ZNF729: variants seen among roughly 807,000 people sequenced by gnomAD.
The protein encoded by ZNF729 is zinc finger protein 729.
Under a neutral mutation model 12.2 loss-of-function variants are expected in ZNF729, and 15 were observed. The ratio of observed to expected loss-of-function variants is 1.23; its 90% CI spans 0.82 to 1.89. ZNF729 has a LOEUF of 1.89. ZNF729 is among the 40% of genes most tolerant of loss of function. The pLI is 0.00. For synonymous variants in ZNF729, 492 were observed against 476.3 expected (o/e 1.03, Z -0.43); for missense variants, 1,540 against 1,456.7 (o/e 1.06, Z -0.93).
Position 22,303,853 on chromosome 19 carries a change from G to A in ZNF729, c.126G>A (p.Met42Ile), listed in dbSNP as rs1264617369. The change falls in exon 2 of 4, where the codon ATG (methionine) becomes ATA (isoleucine). Residue 42 changes from methionine to isoleucine, a missense_variant. Transcript: ENST00000601693. ...TVQQNLYRDV[M>I]LENYRNLVFL... The stretch of plus-strand genomic sequence containing the variant: ...AGCAGAATTTATATAGGGATGTGAT[G>A]TTAGAGAACTACAGAAACCTGGTCT... 2 of 1,572,850 alleles carry A rather than the reference G, an allele frequency of 1.3e-6. No individual in the cohort carries two copies. The highest frequency in any genetic ancestry group is 1.7e-5 in the Admixed American group (1 of 58,450).
At chr19:22,303,035 A>AC (rs1443501518) in intron 1 of ZNF729, among the ~76,000 whole-genome samples, 2 of 152,194 alleles carry the variant, frequency 1.3e-5, no homozygotes, top group Non-Finnish European at 2.9e-5. Context: ...TCAGCCTCCC[A>AC]AAGTGCTGGG....
chr19:22,313,196 C>A (rs867124411), intron 3 of ZNF729, among the ~76,000 whole-genome samples: 1 of 152,068 alleles, frequency 6.6e-6, no homozygotes, highest in African/African-American at 2.4e-5. Flanking sequence ...GGACTACAGA[C>A]GTGTGCCACC....
chr19:22,314,987 G>C lies in ZNF729; in HGVS notation c.1570G>C (p.Ala524Pro), dbSNP rs770510992. 7 of 1,611,978 alleles carry C rather than the reference G, an allele frequency of 4.3e-6. No homozygotes were observed. The highest frequency in any genetic ancestry group is 2.2e-5 in the East Asian group (1 of 44,822). The change falls in exon 4 of 4, where the codon GCT (alanine) becomes CCT (proline). Residue 524 changes from alanine (A) to proline (P), a missense_variant. Physicochemically the swap from Ala to Pro is conservative, Grantham distance 27. Coordinates refer to ENST00000601693, the MANE Select transcript of ZNF729 (RefSeq NM_001242680.2). ...KPYKCEECGKAFSQSSTLRNH... is the reference protein window; with the variant it reads ...KPYKCEECGKPFSQSSTLRNH... ...CTACAAATGTGAAGAATGTGGGAAA[G>C]CTTTTAGCCAGTCCTCAACCCTTAG...
intron 1 of ZNF729, among the ~76,000 whole-genome samples, chr19:22,287,220 C>T (rs1599749975): frequency 6.7e-6 from 1 of 150,258 alleles, no homozygotes; most frequent in African/African-American, 2.4e-5. Flanking sequence ...AGTTTTGTTT[C>T]CCCCAATGTA....
In ZNF729 at chr19:22,305,512, C is replaced by T. The variant is rs1040319412; in HGVS notation, c.253+729C>T. 2.0e-5 allele frequency among the ~76,000 whole-genome samples: 3 copies of T among 151,832 alleles called. 1 individual carries two copies. Among genetic ancestry groups the T allele is most frequent in the South Asian group, 4.1e-4 (2 of 4,820 alleles). The stretch of plus-strand genomic sequence containing the variant: ...TGTATTTTGGAGCCCTGTTGTTATA[C>T]CTACCTGTACATATAAATATAATAA... On this transcript the variant is annotated intron_variant, in intron 3 of 3. Coordinates refer to ENST00000601693, the MANE Select transcript of ZNF729 (RefSeq NM_001242680.2).
intron 3 of ZNF729, among the ~76,000 whole-genome samples, chr19:22,312,868 C>CA (rs1488692477): frequency 6.6e-6 from 1 of 152,090 alleles, no homozygotes; most frequent in Non-Finnish European, 1.5e-5. Context: ...CGTGTGCCAC[C>CA]ACGCCCAGCT....
At chr19:22,298,788 A>G (rs1968265780) in intron 1 of ZNF729, among the ~76,000 whole-genome samples, 1 of 152,210 alleles carries the variant, frequency 6.6e-6, no homozygotes, top group Non-Finnish European at 1.5e-5. Flanking sequence ...TGCTGGGATT[A>G]CAGGCATGAG....
At chr19:22,293,494 A>ATT (rs56180581) in intron 1 of ZNF729, among the ~76,000 whole-genome samples, 1,295 of 96,032 alleles carry the variant, frequency 0.013, 79 homozygotes, top group African/African-American at 0.052. Context: ...CCTTTTGTCT[A>ATT]TTTTTTTTTT....
At chr19:22,295,327 C>CG (rs1968214666) in intron 1 of ZNF729, among the ~76,000 whole-genome samples, 1 of 150,590 alleles carries the variant, frequency 6.6e-6, no homozygotes, top group Admixed American at 6.6e-5. Flanking sequence ...TCTGATTGCT[C>CG]TGGCCAGGAC....
chr19:22,311,020 G>A (rs1024127990), intron 3 of ZNF729, among the ~76,000 whole-genome samples: 1 of 152,074 alleles, frequency 6.6e-6, no homozygotes, highest in African/African-American at 2.4e-5. Flanking sequence ...TTGTATTTCT[G>A]TGGTGTCAGA....
At chr19:22,286,645 C>A in intron 1 of ZNF729, 90 bp downstream of exon 1, 2 of 1,497,898 alleles carry the variant, frequency 1.3e-6, no homozygotes, top group Non-Finnish European at 1.9e-6. Context: ...GGCCTCCCCG[C>A]AGTCAGCTCC....
chr19:22,315,930 C>A lies in ZNF729; in HGVS notation c.2513C>A (p.Ala838Asp). 6.2e-7 allele frequency: 1 copy of A among 1,609,812 alleles called. No homozygotes were observed. The highest frequency in any genetic ancestry group is 8.5e-7 in the Non-Finnish European group (1 of 1,179,364). The change falls in exon 4 of 4, where the codon GCC (alanine) becomes GAC (aspartate). Residue 838 changes from alanine to aspartate, a missense_variant. Ala to Asp is a moderately radical substitution (Grantham distance 126). Transcript: ENST00000601693. ...GGCAAAGCTTTTAAGCATTTCTCAG[C>A]CCTTAGAAAACATAAGGTAATTCAT... ...ECGKAFKHFS[A>D]LRKHKVIHTG...
intron 3 of ZNF729, among the ~76,000 whole-genome samples, chr19:22,308,265 G>A (rs554432316): frequency 5.3e-5 from 8 of 152,174 alleles, no homozygotes; most frequent in African/African-American, 1.2e-4. Context: ...CCACTCATTG[G>A]TTAATAGGCA....
chr19:22,294,657 C>CTTTTTTTTTTTTTTTTTTTTTTTTTTTT (rs71180535), intron 1 of ZNF729, among the ~76,000 whole-genome samples: 2 of 92,426 alleles, frequency 2.2e-5, no homozygotes, highest in Non-Finnish European at 4.6e-5. Context: ...TTTTCTTTTT[C>CTTTTTTTTTTTTTTTTTTTTTTTTTTTT]TTTTTTTTTT....
At chr19:22,297,937 G>A (rs113345334) in intron 1 of ZNF729, among the ~76,000 whole-genome samples, 3,626 of 149,444 alleles carry the variant, frequency 0.024, 148 homozygotes, top group African/African-American at 0.085. Context: ...CCCAGGAGGT[G>A]GAGGTTGCAG....
chr19:22,316,509 A>G lies in ZNF729; in HGVS notation c.3092A>G (p.Asn1031Ser), dbSNP rs575808472. 88 of 1,613,582 alleles carry G rather than the reference A, an allele frequency of 5.5e-5. No individual in the cohort carries two copies. Among genetic ancestry groups the G allele is most frequent in the Non-Finnish European group, 6.6e-5 (78 of 1,179,678 alleles). Residue 1031 changes from asparagine (N) to serine (S), a missense_variant, in exon 4 of 4, where the codon AAT becomes AGT. Asn to Ser is a conservative substitution (Grantham distance 46). Transcript: ENST00000601693. ...KCEECVKAFNNFSALMKHKII... is the reference protein window; with the variant it reads ...KCEECVKAFNSFSALMKHKII... The stretch of plus-strand genomic sequence containing the variant: ...GAAGAATGTGTCAAAGCTTTTAACA[A>G]TTTCTCAGCCCTTATGAAACATAAG...
chr19:22,307,047 ACT>A (rs1348087082), intron 3 of ZNF729, among the ~76,000 whole-genome samples: 2 of 151,634 alleles, frequency 1.3e-5, no homozygotes, highest in Non-Finnish European at 2.9e-5. Flanking sequence ...AATATAAAAG[ACT>A]CATTTTAGCA....
chr19:22,316,962 A>G lies in ZNF729; in HGVS notation c.3545A>G (p.His1182Arg), dbSNP rs187933820. 171 of 1,613,114 alleles carry G rather than the reference A, an allele frequency of 1.1e-4. 1 individual carries two copies. In the East Asian group the frequency reaches 3.7e-3, roughly 35 times the overall value. Residue 1182 changes from histidine (H) to arginine (R), a missense_variant, in exon 4 of 4, where the codon CAT becomes CGT. Coordinates refer to ENST00000601693, the MANE Select transcript of ZNF729 (RefSeq NM_001242680.2). ...CACCTTACTAGACACAAAACAATTC[A>G]TACTGGAGAGAAACCCTACAAATGT... is the stretch of plus-strand genomic sequence containing the variant. ...SSHLTRHKTI[H>R]TGEKPYKCEE... is the part of the protein sequence containing the mutation.
At position 22,315,102 on chromosome 19, in the gene ZNF729, A is replaced by T; in HGVS notation, c.1685A>T (p.His562Leu). 6.2e-7 allele frequency: 1 copy of T among 1,611,024 alleles called. No individual in the cohort carries two copies. ...AFKWSSKLTV[H>L]KVIHTGEKPC... ...AAGTGGTCATCAAAACTTACTGTAC[A>T]TAAGGTAATTCATACTGGAGAGAAA... Residue 562 changes from histidine to leucine, a missense_variant, in exon 4 of 4, where the codon CAT becomes CTT. Coordinates refer to ENST00000601693, the MANE Select transcript of ZNF729 (RefSeq NM_001242680.2).
Sources: gnomAD v4.1 joint callset for allele counts (sites outside exome capture counted in the v4.1 genomes callset) on GRCh38, gnomAD v4.1.1 for gene constraint, MANE v1.5 for transcripts, NCBI Gene and HGNC (gene_info 2026-07-23, HGNC 2026-07-21) for gene names.